The following DNTT variants were observed in gnomAD, a reference collection of about 807,000 sequenced individuals.
DNTT encodes nucleosidetriphosphate:DNA deoxynucleotidylexotransferase.
In DNTT, 47 loss-of-function variants were observed where a neutral mutation model predicts 60.9. The observed-to-expected ratio is 0.77, with a 90% CI of 0.61 to 0.98. DNTT has a LOEUF of 0.98. Ranked by LOEUF, DNTT falls within the 50% of genes least tolerant of loss-of-function variation. DNTT has a pLI of 0.00. For synonymous variants in DNTT, 224 were observed against 221.2 expected, an observed-to-expected ratio of 1.01 and a Z score of -0.11; for missense variants, 665 against 627.5, an observed-to-expected ratio of 1.06 and a Z score of -0.64.
chr10:96,330,177 A>G (rs1005440469), intron 8 of DNTT, among the ~76,000 whole-genome samples: 2 of 152,198 alleles, frequency 1.3e-5, no homozygotes, highest in Admixed American at 6.5e-5. Flanking sequence ...AACCTTCTGA[A>G]TATGCAGACA....
chr10:96,304,773 C>G, intron 1 of DNTT, 73 bp downstream of exon 1: 3 of 1,501,292 alleles, frequency 2.0e-6, no homozygotes, highest in Non-Finnish European at 2.7e-6. Context: ...CCCAAGGAAC[C>G]TGTGTTTTCT....
At chr10:96,307,511 C>T (rs766873070) in intron 1 of DNTT, among the ~76,000 whole-genome samples, 6 of 150,280 alleles carry the variant, frequency 4.0e-5, no homozygotes, top group African/African-American at 1.2e-4. Flanking sequence ...CGCGTCAGCA[C>T]GCCCAGATAA....
At chr10:96,312,289 C>T (rs1348410005) in intron 1 of DNTT, among the ~76,000 whole-genome samples, 1 of 152,072 alleles carries the variant, frequency 6.6e-6, no homozygotes, top group Non-Finnish European at 1.5e-5. Context: ...AAACATAGGT[C>T]CTCCTGTGGA....
chr10:96,332,460 A>T lies in DNTT; in HGVS notation c.1223A>T (p.Lys408Ile), dbSNP rs778788361. 2 of 1,614,062 alleles carry T rather than the reference A, an allele frequency of 1.2e-6. No individual in the cohort carries two copies. The highest frequency in any genetic ancestry group is 1.7e-6 in the Non-Finnish European group (2 of 1,180,024). ...DHFQKCFLIF[K>I]LPRQRVDSDQ... The stretch of plus-strand genomic sequence containing the variant: ...TTTCAAAAGTGCTTTCTGATTTTCA[A>T]ATTGCCTCGTCAAAGAGTGGACAGT... Residue 408 changes from lysine to isoleucine, a missense_variant, in exon 9 of 11, where the codon AAA becomes ATA. Transcript: ENST00000371174.
At chr10:96,327,700 G>A in intron 7 of DNTT, 100 bp downstream of exon 7, 1 of 1,507,650 alleles carries the variant, frequency 6.6e-7, no homozygotes, top group South Asian at 1.3e-5. Context: ...GTGATCTGGT[G>A]CCAGCTTCTT....
rs142389547 is a variant in DNTT, at chr10:96,332,529, G to A, written c.1292G>A (p.Arg431His). 796 of 1,614,198 alleles carry A rather than the reference G, an allele frequency of 4.9e-4. 1 individual carries two copies. The highest frequency in any genetic ancestry group is 6.7e-4 in the Admixed American group (40 of 60,030). Residue 431 changes from arginine to histidine, a missense_variant, in exon 9 of 11, where the codon CGT (arginine) becomes CAT (histidine). Transcript: ENST00000371174. ...GAAGGAAAGACCTGGAAGGCCATCC[G>A]TGTGGATTTAGTTCTGTGCCCCTAC... ...WQEGKTWKAIRVDLVLCPYER... is the reference protein window; with the variant it reads ...WQEGKTWKAIHVDLVLCPYER...
At chr10:96,321,851 G>A (rs532998514) in intron 4 of DNTT, among the ~76,000 whole-genome samples, 5 of 152,246 alleles carry the variant, frequency 3.3e-5, no homozygotes, top group East Asian at 3.9e-4. Flanking sequence ...AGATACAGAC[G>A]TGTTATTTAT....
In DNTT at chr10:96,319,306, G is replaced by T; in HGVS notation, c.423G>T (p.Lys141Asn). 8 of 1,613,854 alleles carry T rather than the reference G, an allele frequency of 5.0e-6. No individual in the cohort carries two copies. Among genetic ancestry groups the T allele is most frequent in the Non-Finnish European group, 6.8e-6 (8 of 1,179,802 alleles). ...YSDSTNPGPP[K>N]TPPIAVQKIS... Reference sequence around the variant, plus strand: ...ATAGCACCAACCCAGGCCCCCCGAAGACTCCACCAATTGCTGTACAAAAGA... The same window carrying T: ...ATAGCACCAACCCAGGCCCCCCGAATACTCCACCAATTGCTGTACAAAAGA... The change falls in exon 3 of 11, where the codon AAG becomes AAT. Residue 141 changes from lysine to asparagine, a missense_variant. Physicochemically the swap from Lys to Asn is moderately conservative, Grantham distance 94 (BLOSUM62 0). Coordinates refer to ENST00000371174, the MANE Select transcript of DNTT (RefSeq NM_004088.4).
Position 96,328,678 on chromosome 10 carries a change from G to A in DNTT, c.1008-47G>A, listed in dbSNP as rs780022282. 11 of 1,564,602 alleles carry A rather than the reference G, an allele frequency of 7.0e-6. No individual in the cohort carries two copies. In the East Asian group the frequency reaches 2.0e-4, roughly 29 times the overall value. ...ACAAAGGTGATTTTTTAAAAATGAA[G>A]ACTAATATCTAATTGATTTCCATTT... On this transcript the variant is annotated intron_variant, in intron 7 of 10. Transcript: ENST00000371174.
intron 1 of DNTT, among the ~76,000 whole-genome samples, chr10:96,311,277 A>G (rs2133983782): frequency 6.6e-6 from 1 of 152,364 alleles, no homozygotes; most frequent in East Asian, 1.9e-4. Flanking sequence ...AATAAGTCCT[A>G]TATCAGATGG....
rs1352608657 is a variant in DNTT, at chr10:96,338,169, A to G, written c.1475A>G (p.Glu492Gly). 1.2e-6 allele frequency: 2 copies of G among 1,613,450 alleles called. No homozygotes were observed. Among genetic ancestry groups the G allele is most frequent in the East Asian group, 4.5e-5 (2 of 44,834 alleles). The stretch of plus-strand genomic sequence containing the variant: ...TTCCTCAAAGCAGAAAGTGAAGAAG[A>G]AATTTTTGCGCATCTGGGATTGGAT... ...RIFLKAESEE[E>G]IFAHLGLDYI... The change falls in exon 11 of 11, where the codon GAA (glutamate) becomes GGA (glycine). Residue 492 changes from glutamate to glycine, a missense_variant. Transcript: ENST00000371174.
intron 1 of DNTT, among the ~76,000 whole-genome samples, chr10:96,312,955 C>T (rs1190141504): frequency 1.3e-5 from 2 of 152,138 alleles, no homozygotes; most frequent in African/African-American, 4.8e-5. Flanking sequence ...TGGCCATGTG[C>T]TGGGCTCCAG....
At chr10:96,337,681 A>G (rs1362845651) in intron 10 of DNTT, among the ~76,000 whole-genome samples, 1 of 152,208 alleles carries the variant, frequency 6.6e-6, no homozygotes, top group Non-Finnish European at 1.5e-5. Context: ...AAGCTAAGGA[A>G]AACCCAACAC....
chr10:96,336,054 T>G, intron 10 of DNTT, 80 bp downstream of exon 10: 2 of 1,362,224 alleles, frequency 1.5e-6, no homozygotes, highest in Admixed American at 3.4e-5. Context: ...TGGACTGATT[T>G]TAGTATCCAG....
intron 3 of DNTT, 133 bp downstream of exon 3, chr10:96,319,523 T>A: frequency 8.1e-7 from 1 of 1,232,576 alleles, no homozygotes; most frequent in East Asian, 2.4e-5. Context: ...AGCCCTAGCC[T>A]GATCTCTGAT....
At chr10:96,309,095 G>A (rs34128907) in intron 1 of DNTT, among the ~76,000 whole-genome samples, 13,081 of 152,134 alleles carry the variant, frequency 0.086, 768 homozygotes, top group South Asian at 0.15. Context: ...CAGGAAGGTT[G>A]GCTCTCCACC....
In DNTT at chr10:96,320,769, A is replaced by C; in HGVS notation, c.659A>C (p.Lys220Thr). 1 of 1,613,716 alleles carries C rather than the reference A, an allele frequency of 6.2e-7. No individual in the cohort carries two copies. ...GAAGGAATTCCCTGCCTGGGGTCCA[A>C]GGTGAAGGGTATCATAGAGGTAAGG... is the stretch of plus-strand genomic sequence containing the variant. ...DTEGIPCLGSKVKGIIEEIIE... is the reference protein window; with the variant it reads ...DTEGIPCLGSTVKGIIEEIIE... Residue 220 changes from lysine (K) to threonine (T), a missense_variant, in exon 4 of 11, where the codon AAG (lysine) becomes ACG (threonine). Physicochemically the swap from Lys to Thr is moderately conservative, Grantham distance 78. Coordinates refer to ENST00000371174, the MANE Select transcript of DNTT (RefSeq NM_004088.4).
chr10:96,319,503 A>T, intron 3 of DNTT, 113 bp downstream of exon 3: 1 of 1,459,636 alleles, frequency 6.9e-7, no homozygotes, highest in Non-Finnish European at 9.4e-7. Flanking sequence ...TTTTCCTCCC[A>T]CCTACCTGCA....
Position 96,323,493 on chromosome 10 carries a change from A to C in DNTT, c.750+765A>C, listed in dbSNP as rs17111663. On this transcript the variant is annotated intron_variant, in intron 5 of 10. Coordinates refer to ENST00000371174, the MANE Select transcript of DNTT (RefSeq NM_004088.4). ...AAATTCAGGTGCCCAGATTATTGCC[A>C]TGCTGTCGTGATGTACAAATTGCCT... Among the ~76,000 whole-genome samples, 56 of 152,274 alleles carry C rather than the reference A, an allele frequency of 3.7e-4. 1 individual carries two copies. In the East Asian group the frequency reaches 0.01, roughly 27 times the overall value.
Sources: gnomAD v4.1 joint callset for allele counts (sites outside exome capture counted in the v4.1 genomes callset) on GRCh38, gnomAD v4.1.1 for gene constraint, MANE v1.5 for transcripts, NCBI Gene and HGNC (gene_info 2026-07-23, HGNC 2026-07-21) for gene names.